The following RPRD2 variants were observed in gnomAD, a reference collection of about 807,000 sequenced individuals.
RPRD2 encodes regulation of nuclear pre-mRNA domain containing 2.
In RPRD2, 12 loss-of-function variants were observed where a neutral mutation model predicts 104.4. The observed-to-expected ratio is 0.11, with a 90% CI of 0.07 to 0.19. RPRD2 has a LOEUF of 0.19. Among genes scored for constraint, RPRD2 ranks in the 10% least tolerant of loss-of-function variants. The pLI, the probability that RPRD2 is intolerant of heterozygous loss-of-function variation, is 1.00. For missense variants in RPRD2, 1,543 were observed against 1,790.1 expected (o/e 0.86, Z 2.49); for synonymous variants, 714 against 684.9 (o/e 1.04, Z -0.66).
intron 1 of RPRD2, among the ~76,000 whole-genome samples, chr1:150,381,795 CGCCCG>C (rs1296970316): frequency 6.6e-6 from 1 of 152,028 alleles, no homozygotes; most frequent in African/African-American, 2.4e-5. Context: ...TGAGCCACCG[CGCCCG>C]GCCACAGGAC....
At chr1:150,390,503 A>T (rs1264827053) in intron 1 of RPRD2, among the ~76,000 whole-genome samples, 1 of 151,656 alleles carries the variant, frequency 6.6e-6, no homozygotes, top group East Asian at 1.9e-4. Context: ...GTCTCAAAAA[A>T]TAAATAAATA....
intron 1 of RPRD2, among the ~76,000 whole-genome samples, chr1:150,370,478 G>A (rs1295676786): frequency 2.0e-5 from 3 of 151,452 alleles, no homozygotes; most frequent in African/African-American, 7.3e-5. Context: ...TGTGAGAGAC[G>A]AATTGGACTA....
At chr1:150,456,103 T>C (rs1443022162) in intron 7 of RPRD2, among the ~76,000 whole-genome samples, 2 of 152,154 alleles carry the variant, frequency 1.3e-5, no homozygotes, top group South Asian at 2.1e-4. Flanking sequence ...AGTGCTGAGA[T>C]TACAGACATG....
chr1:150,385,870 T>C (rs1572368583), intron 1 of RPRD2, among the ~76,000 whole-genome samples: 1 of 152,206 alleles, frequency 6.6e-6, no homozygotes, highest in South Asian at 2.1e-4. Flanking sequence ...TCCTTTGTTA[T>C]AGAGGGCTTT....
At chr1:150,457,906 A>G (rs782400919) in intron 8 of RPRD2, among the ~76,000 whole-genome samples, 1 of 152,120 alleles carries the variant, frequency 6.6e-6, no homozygotes, top group Non-Finnish European at 1.5e-5. Context: ...CCCTGTCTCT[A>G]CTAAAAATAC....
chr1:150,419,953 G>A (rs1664644340), intron 2 of RPRD2, among the ~76,000 whole-genome samples: 2 of 152,130 alleles, frequency 1.3e-5, no homozygotes, highest in African/African-American at 4.8e-5. Flanking sequence ...TAAGGAAGAA[G>A]AAACTGTGGC....
rs1246669885 is a variant in RPRD2, at chr1:150,470,785, C to G, written c.1837C>G (p.Gln613Glu). 1.9e-6 allele frequency: 3 copies of G among 1,614,032 alleles called. No homozygotes were observed. The highest frequency in any genetic ancestry group is 3.3e-5 in the Admixed American group (2 of 60,028). The change falls in exon 11 of 11, where the codon CAA (glutamine) becomes GAA (glutamate). Residue 613 changes from glutamine (Q) to glutamate (E), a missense_variant. Around this residue, in one of 4 missense-constraint regions of RPRD2, gnomAD observed 572 missense variants for 787.3 expected, o/e 0.73. Transcript: ENST00000369068. Reference sequence around the variant, plus strand: ...TTCAGCCAGCAAGGCCTCAATTGGGCAAAGCCCAGGGCTCCCAAGCACTAC... The same window carrying G: ...TTCAGCCAGCAAGGCCTCAATTGGGGAAAGCCCAGGGCTCCCAAGCACTAC... ...STSASKASIG[Q>E]SPGLPSTTFK...
rs1325805959 is a variant in RPRD2, at chr1:150,471,369, G to A, written c.2421G>A (p.Met807Ile). Reference protein sequence around the residue: ...ESPYKQPSDGMERPSSLMDSS... With the variant: ...ESPYKQPSDGIERPSSLMDSS... ...CCTATAAGCAGCCTTCTGATGGAATGGAGAGACCATCTTCCCTGATGGACT... is the reference window on the plus strand; with the variant it reads ...CCTATAAGCAGCCTTCTGATGGAATAGAGAGACCATCTTCCCTGATGGACT... Residue 807 changes from methionine (M) to isoleucine (I), a missense_variant, in exon 11 of 11, where the codon ATG (methionine) becomes ATA (isoleucine). Physicochemically the swap from Met to Ile is conservative, Grantham distance 10 (BLOSUM62 1). Coordinates refer to ENST00000369068, the MANE Select transcript of RPRD2 (RefSeq NM_015203.5). The surrounding 1 kb of genome is among the most constrained non-coding windows in gnomAD (Gnocchi z 5.3). The A allele has an allele frequency of 7.4e-6, 12 of 1,613,578 alleles. No homozygotes were observed. The African/African-American group carries it at 1.2e-4, about 16-fold the overall frequency.
intron 2 of RPRD2, among the ~76,000 whole-genome samples, chr1:150,432,243 C>T (rs1414291665): frequency 6.7e-6 from 1 of 149,802 alleles, no homozygotes; most frequent in Non-Finnish European, 1.5e-5. Context: ...TGAAAACATG[C>T]TGAAATAAGC....
chr1:150,407,075 T>C (rs961659416), intron 1 of RPRD2, among the ~76,000 whole-genome samples: 2 of 152,244 alleles, frequency 1.3e-5, no homozygotes, highest in Non-Finnish European at 2.9e-5. Context: ...TCTTGATGTC[T>C]CTAATTTCTG....
chr1:150,411,683 C>T (rs1663931276), intron 1 of RPRD2, among the ~76,000 whole-genome samples: 2 of 125,546 alleles, frequency 1.6e-5, no homozygotes, highest in African/African-American at 6.8e-5. Context: ...CCCAGTTACT[C>T]AGGAAGCTGA....
At chr1:150,371,749 T>A (rs781933514) in intron 1 of RPRD2, among the ~76,000 whole-genome samples, 20 of 152,158 alleles carry the variant, frequency 1.3e-4, no homozygotes, top group Admixed American at 5.9e-4. Context: ...AACCCAGGCA[T>A]TCTTGATCTA....
At chr1:150,420,406 A>G (rs587632192) in intron 2 of RPRD2, among the ~76,000 whole-genome samples, 4 of 152,352 alleles carry the variant, frequency 2.6e-5, no homozygotes, top group East Asian at 1.9e-4. Flanking sequence ...TCAGTGAAAC[A>G]TGTCTTCAGA....
At position 150,472,975 on chromosome 1, in the gene RPRD2, C is replaced by G. The variant is rs1397489502; in HGVS notation, c.4027C>G (p.Leu1343Val). ...QGTLAEHFGV[L>V]PGPRDHGGPT... ...GACCCTGGCTGAGCATTTTGGGGTACTCCCAGGACCCAGGGACCACGGGGG... is the reference window on the plus strand; with the variant it reads ...GACCCTGGCTGAGCATTTTGGGGTAGTCCCAGGACCCAGGGACCACGGGGG... The change falls in exon 11 of 11, where the codon CTC (leucine) becomes GTC (valine). Residue 1343 changes from leucine to valine, a missense_variant. Transcript: ENST00000369068. 1 of 1,613,970 alleles carries G rather than the reference C, an allele frequency of 6.2e-7. No individual in the cohort carries two copies. The highest frequency in any genetic ancestry group is 1.3e-5 in the African/African-American group (1 of 75,074).
At chr1:150,372,240 A>G (rs962456361) in intron 1 of RPRD2, among the ~76,000 whole-genome samples, 2 of 152,182 alleles carry the variant, frequency 1.3e-5, no homozygotes, top group Admixed American at 1.3e-4. Context: ...AGTTTTTTCA[A>G]TATTTATCAA....
chr1:150,414,280 T>C (rs782426474), intron 1 of RPRD2, among the ~76,000 whole-genome samples: 14 of 152,202 alleles, frequency 9.2e-5, no homozygotes, highest in African/African-American at 1.2e-4. Flanking sequence ...ATCTTAATTG[T>C]TTTACATACA....
rs1668718859 is a variant in RPRD2 at position 150,473,223 on chromosome 1, ACCTTTTCTCAGCAGAGAC to A, written c.4278_4295del (p.Leu1428_Phe1433del). On this transcript the variant is annotated inframe_deletion, in exon 11 of 11. Coordinates refer to ENST00000369068, the MANE Select transcript of RPRD2 (RefSeq NM_015203.5). ...CCCGGCCAGACTTTCGGCCTAGGGA[ACCTTTTCTCAGCAGAGAC>A]CCATTTCACAGTTTAAAGAGACCCA... The A allele has an allele frequency of 6.2e-7, 1 of 1,613,858 alleles. No individual in the cohort carries two copies. Among genetic ancestry groups the A allele is most frequent in the South Asian group, 1.1e-5 (1 of 91,082 alleles).
intron 7 of RPRD2, among the ~76,000 whole-genome samples, chr1:150,450,651 C>T (rs892552715): frequency 4.7e-5 from 7 of 147,662 alleles, no homozygotes; most frequent in South Asian, 2.2e-4. Context: ...AGACGAGTCT[C>T]ACTGTGTCAC....
intron 1 of RPRD2, among the ~76,000 whole-genome samples, chr1:150,412,556 G>A (rs1553887873): frequency 1.3e-5 from 2 of 152,152 alleles, no homozygotes; most frequent in Admixed American, 6.5e-5. Context: ...CAAGGTAGCA[G>A]GGTTTTTGGC....
Sources: gnomAD v4.1 joint callset for allele counts (sites outside exome capture counted in the v4.1 genomes callset) on GRCh38, gnomAD v4.1.1 for gene constraint, gnomAD v4.1.1 regional missense constraint, Gnocchi (gnomAD v3.1) non-coding constraint, MANE v1.5 for transcripts, NCBI Gene and HGNC (gene_info 2026-07-23, HGNC 2026-07-21) for gene names.